HS3ST4: variants seen among roughly 807,000 people sequenced by gnomAD.
HS3ST4 encodes the protein heparan sulfate-glucosamine 3-sulfotransferase 4.
Under a neutral mutation model 29.2 loss-of-function variants are expected in HS3ST4, and 17 were observed. The observed-to-expected ratio is 0.58, with a 90% CI of 0.40 to 0.87. HS3ST4 has a LOEUF of 0.87. Among genes scored for constraint, HS3ST4 ranks in the 40% least tolerant of loss-of-function variants. The probability of loss-of-function intolerance (pLI) is 0.00; values close to 1 mark genes in which losing one functional copy is unlikely to be tolerated. For synonymous variants in HS3ST4, 314 were observed against 285.7 expected (o/e 1.10, Z -1.00); for missense variants, 627 against 634.5 (o/e 0.99, Z 0.13).
intron 1 of HS3ST4, among the ~76,000 whole-genome samples, chr16:25,737,263 A>T (rs1424760815): frequency 6.6e-6 from 1 of 152,176 alleles, no homozygotes; most frequent in African/African-American, 2.4e-5. Flanking sequence ...CGATGACCGT[A>T]TGTCATGACT....
At chr16:25,730,583 C>T (rs914532549) in intron 1 of HS3ST4, among the ~76,000 whole-genome samples, 1 of 144,790 alleles carries the variant, frequency 6.9e-6, no homozygotes, top group Admixed American at 6.9e-5. Flanking sequence ...TTCTTCCTCC[C>T]TTCTCCTTCC....
intron 1 of HS3ST4, among the ~76,000 whole-genome samples, chr16:25,873,480 C>CTATCTATCTATCTATCCATCTA (rs1567261515): frequency 1.4e-5 from 1 of 69,872 alleles, no homozygotes; most frequent in Non-Finnish European, 3.4e-5. Context: ...CCATCTATCT[C>CTATCTATCTATCTATCCATCTA]TCTATCTATC....
chr16:26,079,923 G>C (rs992173816), intron 1 of HS3ST4, among the ~76,000 whole-genome samples: 1 of 152,164 alleles, frequency 6.6e-6, no homozygotes, highest in Non-Finnish European at 1.5e-5. Flanking sequence ...ATGTTTTGGG[G>C]AGCCAATATT....
intron 1 of HS3ST4, among the ~76,000 whole-genome samples, chr16:26,064,999 A>G (rs1567304921): frequency 6.6e-6 from 1 of 152,202 alleles, no homozygotes; most frequent in Non-Finnish European, 1.5e-5. Context: ...TACATTCCAG[A>G]TAGTATCTCA....
At chr16:26,023,706 C>T (rs572047164) in intron 1 of HS3ST4, among the ~76,000 whole-genome samples, 212 of 152,118 alleles carry the variant, frequency 1.4e-3, no homozygotes, top group Middle Eastern at 3.4e-3. Context: ...CCCACCTGGC[C>T]AATAATTTAA....
intron 1 of HS3ST4, among the ~76,000 whole-genome samples, chr16:25,732,875 G>A (rs1443611194): frequency 6.6e-6 from 1 of 152,138 alleles, no homozygotes; most frequent in African/African-American, 2.4e-5. Flanking sequence ...GTATTGCTGT[G>A]CTGATGAGCA....
At chr16:26,028,272 C>CAAAAAAAAAAAAAA (rs57920476) in intron 1 of HS3ST4, among the ~76,000 whole-genome samples, 6 of 48,618 alleles carry the variant, frequency 1.2e-4, no homozygotes, top group Admixed American at 2.3e-4. Context: ...GACACCGTCT[C>CAAAAAAAAAAAAAA]AAAAAAAAAA....
At chr16:25,696,351 G>A (rs528919754) in intron 1 of HS3ST4, among the ~76,000 whole-genome samples, 24 of 152,328 alleles carry the variant, frequency 1.6e-4, no homozygotes, top group Middle Eastern at 3.4e-3. Context: ...AGGCCAACTG[G>A]CTGCCAATGC....
At chr16:25,804,022 C>G (rs1322690675) in intron 1 of HS3ST4, among the ~76,000 whole-genome samples, 4 of 152,086 alleles carry the variant, frequency 2.6e-5, no homozygotes, top group Non-Finnish European at 5.9e-5. Context: ...AATTCCAACT[C>G]TGTCCCCTGA....
intron 1 of HS3ST4, among the ~76,000 whole-genome samples, chr16:25,832,426 T>G (rs1967313888): frequency 6.6e-6 from 1 of 152,226 alleles, no homozygotes; most frequent in Admixed American, 6.5e-5. Flanking sequence ...GTCAGCTCAC[T>G]TTGATGTAAT....
At chr16:25,977,741 GTT>G (rs1011443101) in intron 1 of HS3ST4, among the ~76,000 whole-genome samples, 1 of 152,204 alleles carries the variant, frequency 6.6e-6, no homozygotes, top group African/African-American at 2.4e-5. Context: ...GAAGGACATT[GTT>G]TATTCTTTAA....
rs1438981870 is a variant in HS3ST4 at position 25,884,627 on chromosome 16, G to A, written c.734+191476G>A. Among the ~76,000 whole-genome samples the A allele has an allele frequency of 3.3e-5, 5 of 152,196 alleles. No individual in the cohort carries two copies. The South Asian group carries it at 8.3e-4, about 25-fold the overall frequency. Reference sequence around the variant, plus strand: ...ATTTCCCAGGCTGGAGTGCAATGGCGTGATCTCAACTCACAGCAACCTCTG... The same window carrying A: ...ATTTCCCAGGCTGGAGTGCAATGGCATGATCTCAACTCACAGCAACCTCTG... On this transcript the variant is annotated intron_variant, in intron 1 of 1. Coordinates refer to ENST00000331351, the MANE Select transcript of HS3ST4 (RefSeq NM_006040.3).
At chr16:25,995,879 T>C (rs963689288) in intron 1 of HS3ST4, among the ~76,000 whole-genome samples, 2 of 152,158 alleles carry the variant, frequency 1.3e-5, no homozygotes, top group Non-Finnish European at 2.9e-5. Flanking sequence ...ATTATCCCTG[T>C]CTTTCTCTGA....
chr16:26,065,897 A>G (rs1898536390), intron 1 of HS3ST4, among the ~76,000 whole-genome samples: 2 of 152,224 alleles, frequency 1.3e-5, no homozygotes, highest in Non-Finnish European at 1.5e-5. Context: ...CAAGTTCCAA[A>G]ACCTTGCACT....
intron 1 of HS3ST4, among the ~76,000 whole-genome samples, chr16:26,108,217 T>C (rs1168632776): frequency 6.6e-6 from 1 of 152,176 alleles, no homozygotes; most frequent in Non-Finnish European, 1.5e-5. Flanking sequence ...TGAGCCTTTT[T>C]TCATATATTT....
chr16:26,027,375 AG>A (rs1482515974), intron 1 of HS3ST4, among the ~76,000 whole-genome samples: 1 of 152,232 alleles, frequency 6.6e-6, no homozygotes, highest in East Asian at 1.9e-4. Flanking sequence ...TTAAAAGCCC[AG>A]GGATGCTTCC....
intron 1 of HS3ST4, among the ~76,000 whole-genome samples, chr16:25,828,280 CTTTCTTTCTTTCTTTCTTTCCCTCTCT>C (rs1967249021): frequency 1.1e-5 from 1 of 89,302 alleles, no homozygotes; most frequent in East Asian, 2.6e-4. Flanking sequence ...TTCTTTCTTT[CTTTCTTTCTTTCTTTCTTTCCCTCTCT>C]CTCTCTCTCT....
chr16:25,969,480 G>A lies in HS3ST4; in HGVS notation c.735-166132G>A, dbSNP rs550745075. On this transcript the variant is annotated intron_variant, in intron 1 of 1. Transcript: ENST00000331351. ...TGGGGGTGGAGGCACAGTCTGAAGT[G>A]TGCGTATAAAAGTTCATTGCGAAAC... Among the ~76,000 whole-genome samples the A allele has an allele frequency of 9.8e-5, 15 of 152,334 alleles. No individual in the cohort carries two copies. The South Asian group carries it at 3.1e-3, about 32-fold the overall frequency.
chr16:25,978,247 A>G (rs775804238), intron 1 of HS3ST4, among the ~76,000 whole-genome samples: 41 of 152,242 alleles, frequency 2.7e-4, no homozygotes, highest in Non-Finnish European at 5.3e-4. Context: ...TGGTTCTCCC[A>G]GTCTCAGAAA....
Sources: gnomAD v4.1 joint callset for allele counts (sites outside exome capture counted in the v4.1 genomes callset) on GRCh38, gnomAD v4.1.1 for gene constraint, MANE v1.5 for transcripts, NCBI Gene and HGNC (gene_info 2026-07-23, HGNC 2026-07-21) for gene names.